VTCN1: variants seen among roughly 807,000 people sequenced by gnomAD.
The protein encoded by VTCN1 is V-set domain containing T cell activation inhibitor 1.
In VTCN1, 26 loss-of-function variants were observed where a neutral mutation model predicts 26.5. The ratio of observed to expected loss-of-function variants is 0.98; its 90% CI spans 0.72 to 1.36. The LOEUF (loss-of-function observed/expected upper bound fraction) is 1.36, where lower values mean the gene tolerates loss of function less well. Among genes scored for constraint, VTCN1 ranks in the 40% most tolerant of loss-of-function variants. The pLI, the probability that VTCN1 is intolerant of heterozygous loss-of-function variation, is 0.00. For synonymous variants in VTCN1, 116 were observed against 130.7 expected, an observed-to-expected ratio of 0.89 and a Z score of 0.77; for missense variants, 298 against 337.7, an observed-to-expected ratio of 0.88 and a Z score of 0.92.
intron 1 of VTCN1, among the ~76,000 whole-genome samples, chr1:117,209,152 G>T (rs1649238584): frequency 6.6e-6 from 1 of 152,180 alleles, no homozygotes; most frequent in South Asian, 2.1e-4. Context: ...AGCCAACAAG[G>T]CATGCAGGAG....
intron 1 of VTCN1, among the ~76,000 whole-genome samples, chr1:117,182,411 T>C (rs547206635): frequency 6.6e-6 from 1 of 152,190 alleles, no homozygotes; most frequent in South Asian, 2.1e-4. Flanking sequence ...GGTGTAGCTA[T>C]GTAGAGCTTG....
At chr1:117,199,606 G>A (rs1186161236) in intron 1 of VTCN1, among the ~76,000 whole-genome samples, 2 of 151,426 alleles carry the variant, frequency 1.3e-5, no homozygotes, top group Non-Finnish European at 2.9e-5. Context: ...GATTACAGGC[G>A]TGGGCCACTG....
intron 1 of VTCN1, among the ~76,000 whole-genome samples, chr1:117,186,798 C>G (rs538027342): frequency 1.3e-5 from 2 of 152,072 alleles, no homozygotes; most frequent in Non-Finnish European, 2.9e-5. Context: ...GAGGCTGGGG[C>G]GGGAGGATTG....
chr1:117,151,439 A>G (rs1017635522), intron 4 of VTCN1, among the ~76,000 whole-genome samples: 1 of 152,040 alleles, frequency 6.6e-6, no homozygotes, highest in African/African-American at 2.4e-5. Flanking sequence ...AAAACACCAA[A>G]CCCTGCACAT....
At chr1:117,166,121 T>A (rs774353255) in intron 2 of VTCN1, among the ~76,000 whole-genome samples, 7 of 152,178 alleles carry the variant, frequency 4.6e-5, no homozygotes, top group Non-Finnish European at 8.8e-5. Context: ...CATGCATCCA[T>A]CCAACTGTCC....
chr1:117,152,474 G>A (rs77922387), intron 4 of VTCN1, among the ~76,000 whole-genome samples: 8,169 of 152,238 alleles, frequency 0.054, 269 homozygotes, highest in South Asian at 0.079. Flanking sequence ...GGTTTTGTAT[G>A]CACTAAAGCA....
intron 1 of VTCN1, among the ~76,000 whole-genome samples, chr1:117,185,299 G>T (rs987332901): frequency 3.3e-5 from 5 of 152,154 alleles, no homozygotes; most frequent in Non-Finnish European, 5.9e-5. Flanking sequence ...GGAATGACTA[G>T]GGTCTTGGTC....
chr1:117,152,044 A>T (rs1334547028), intron 4 of VTCN1, among the ~76,000 whole-genome samples: 1 of 152,178 alleles, frequency 6.6e-6, no homozygotes, highest in Non-Finnish European at 1.5e-5. Flanking sequence ...TGCCCATTTT[A>T]AAATGAGGTT....
chr1:117,185,358 T>C (rs974127161), intron 1 of VTCN1, among the ~76,000 whole-genome samples: 1 of 152,166 alleles, frequency 6.6e-6, no homozygotes, highest in Non-Finnish European at 1.5e-5. Flanking sequence ...GCCAACCACA[T>C]TCCACCAGAA....
intron 1 of VTCN1, among the ~76,000 whole-genome samples, chr1:117,197,598 G>A (rs4659198): frequency 0.29 from 43,679 of 152,020 alleles, 6,544 homozygotes; most frequent in Middle Eastern, 0.34. Context: ...GAAACCTCTA[G>A]AGGGTATTTA....
chr1:117,202,824 G>A (rs1047008802), intron 1 of VTCN1, among the ~76,000 whole-genome samples: 8 of 152,076 alleles, frequency 5.3e-5, no homozygotes, highest in Non-Finnish European at 1.0e-4. Context: ...ACAATGCCAC[G>A]AAACCAGGAT....
intron 2 of VTCN1, among the ~76,000 whole-genome samples, chr1:117,164,360 G>T (rs1652504263): frequency 6.6e-6 from 1 of 151,748 alleles, no homozygotes; most frequent in South Asian, 2.1e-4. Flanking sequence ...TGGCAGGGGG[G>T]TGGGGTTGCG....
intron 3 of VTCN1, among the ~76,000 whole-genome samples, chr1:117,154,808 GAAAAGAAAA>G (rs1452337083): frequency 3.6e-5 from 5 of 139,182 alleles, no homozygotes; most frequent in Non-Finnish European, 7.9e-5. Context: ...AAAAAAGAAA[GAAAAGAAAA>G]AAAAGAAAAA....
intron 1 of VTCN1, among the ~76,000 whole-genome samples, chr1:117,209,436 G>T (rs946660656): frequency 6.6e-6 from 1 of 152,158 alleles, no homozygotes; most frequent in African/African-American, 2.4e-5. Context: ...GGGGGAGAGA[G>T]CTTGGGATTT....
rs1277324445 is a variant in VTCN1, at chr1:117,175,766, TCTC to T, written c.33-5598_33-5596del. On this transcript the variant is annotated intron_variant, in intron 1 of 5. Coordinates refer to ENST00000369458, the MANE Select transcript of VTCN1 (RefSeq NM_024626.4). The surrounding 1 kb of genome is among the most constrained non-coding windows in gnomAD (Gnocchi z 4.2). ...GAAGAGAGATACCTATCTCTCTCTC[TCTC>T]TCTCTTTTTTTTTTTTTTTGAGATG... Among the ~76,000 whole-genome samples the T allele has an allele frequency of 4.9e-5, 4 of 82,352 alleles. No individual in the cohort carries two copies. Among genetic ancestry groups the T allele is most frequent in the African/African-American group, 1.8e-4 (4 of 22,386 alleles). The allele number at this position is 82,352 out of a possible 152,430, so 54.0% of individuals were successfully genotyped here.
At chr1:117,164,466 T>A (rs1010110512) in intron 2 of VTCN1, among the ~76,000 whole-genome samples, 5 of 152,254 alleles carry the variant, frequency 3.3e-5, no homozygotes, top group African/African-American at 1.2e-4. Context: ...CTTTCCTGGT[T>A]GACCAGGAAA....
At chr1:117,165,501 T>C (rs1310569253) in intron 2 of VTCN1, among the ~76,000 whole-genome samples, 16 of 152,144 alleles carry the variant, frequency 1.1e-4, no homozygotes, top group Non-Finnish European at 5.9e-5. Context: ...CCCTTGGTGA[T>C]AAGTGAGCTC....
rs1445004899 is a variant in VTCN1 at position 117,146,630 on chromosome 1, G to A, written c.*45+983C>T. Among the ~76,000 whole-genome samples, 1 of 152,184 alleles carries A rather than the reference G, an allele frequency of 6.6e-6. No homozygotes were observed. The highest frequency in any genetic ancestry group is 1.5e-5 in the Non-Finnish European group (1 of 68,022). On this transcript the variant is annotated intron_variant, in intron 5 of 5. Transcript: ENST00000369458. This position sits in a 1 kb window ranked among gnomAD's most constrained non-coding sequence, Gnocchi z 4.2. ...GAAGATTTCCAGGAAAAGACAGTGA[G>A]GGAGGGAGCAAGACCAGAAAGTAAT...
At chr1:117,170,029 T>C in intron 2 of VTCN1, 78 bp downstream of exon 2, 2 of 1,377,834 alleles carry the variant, frequency 1.5e-6, no homozygotes, top group South Asian at 2.4e-5. Flanking sequence ...CTGGGCTCTT[T>C]CCATGCTAAC....
Sources: gnomAD v4.1 joint callset for allele counts (sites outside exome capture counted in the v4.1 genomes callset) on GRCh38, gnomAD v4.1.1 for gene constraint, Gnocchi (gnomAD v3.1) non-coding constraint, MANE v1.5 for transcripts, NCBI Gene and HGNC (gene_info 2026-07-23, HGNC 2026-07-21) for gene names.